Variants in SPMIP4 observed in about 807,000 individuals in gnomAD.
SPMIP4 encodes sperm microtubule inner protein 4, also known as sperm-associated microtubule inner protein 4.
the SPMIP4 span, chr7:25,158,506 T>C: frequency 6.2e-7 from 1 of 1,608,514 alleles, no homozygotes; most frequent in Non-Finnish European, 8.5e-7. Flanking sequence ...CTTACCCTAC[T>C]GTTGAATTAG....
the SPMIP4 span, among the ~76,000 whole-genome samples, chr7:25,156,967 A>C: frequency 3.3e-5 from 5 of 152,084 alleles, no homozygotes; most frequent in African/African-American, 1.2e-4. Context: ...GATTACAGGC[A>C]TGAGCCACTG....
chr7:25,141,162 C>G, the SPMIP4 span, among the ~76,000 whole-genome samples: 3 of 152,208 alleles, frequency 2.0e-5, no homozygotes, highest in Non-Finnish European at 4.4e-5. Context: ...AAAGTCTCTA[C>G]TGATATCTGC....
chr7:25,129,160 G>C, the SPMIP4 span, among the ~76,000 whole-genome samples: 8 of 152,224 alleles, frequency 5.3e-5, no homozygotes, highest in Non-Finnish European at 7.3e-5. Flanking sequence ...ACTAGGTCAT[G>C]TACATTCTAA....
chr7:25,160,332 CTT>C, the SPMIP4 span, among the ~76,000 whole-genome samples: 3 of 151,716 alleles, frequency 2.0e-5, no homozygotes, highest in East Asian at 1.9e-4. Context: ...GAGTTTTGCT[CTT>C]GTCGCCCAGA....
the SPMIP4 span, chr7:25,155,299 A>G: frequency 0.57 from 538,795 of 938,542 alleles, 156,520 homozygotes; most frequent in Middle Eastern, 0.6. Flanking sequence ...AATGGCAGAA[A>G]CTGTTCTAAT....
chr7:25,178,013 T>C, the SPMIP4 span, among the ~76,000 whole-genome samples: 44 of 152,364 alleles, frequency 2.9e-4, no homozygotes, highest in Non-Finnish European at 5.1e-4. Context: ...TTTGTCTCCA[T>C]GTGTACTCAA....
chr7:25,159,237 T>C, the SPMIP4 span, among the ~76,000 whole-genome samples: 1 of 152,204 alleles, frequency 6.6e-6, no homozygotes, highest in Non-Finnish European at 1.5e-5. Context: ...TTAAGTACCA[T>C]GTATGCTTTC....
At chr7:25,168,455 A>G in the SPMIP4 span, 6 of 1,589,998 alleles carry the variant, frequency 3.8e-6, no homozygotes, top group Middle Eastern at 1.7e-4. Flanking sequence ...GACTCCCTTA[A>G]TTCCTGATAC....
chr7:25,169,396 T>A, the SPMIP4 span, among the ~76,000 whole-genome samples: 25,065 of 152,060 alleles, frequency 0.16, 2,739 homozygotes, highest in African/African-American at 0.31. Context: ...CCCTCACTCT[T>A]TCCCTCGGCA....
At chr7:25,127,480 G>T in the SPMIP4 span, among the ~76,000 whole-genome samples, 1 of 152,110 alleles carries the variant, frequency 6.6e-6, no homozygotes, top group African/African-American at 2.4e-5. Flanking sequence ...GTAAGGGACT[G>T]CATTTTTTAG....
At chr7:25,152,918 A>T in the SPMIP4 span, among the ~76,000 whole-genome samples, 1 of 151,654 alleles carries the variant, frequency 6.6e-6, no homozygotes, top group African/African-American at 2.4e-5. Context: ...TAATTTTTGT[A>T]GTTTTACTAG....
At chr7:25,149,905 T>C in the SPMIP4 span, among the ~76,000 whole-genome samples, 2 of 152,188 alleles carry the variant, frequency 1.3e-5, no homozygotes, top group Non-Finnish European at 2.9e-5. Context: ...ACACAGTAAA[T>C]GGCAACAGAG....
At chr7:25,148,477 C>CTTTTTTTTTTTTTTTTT in the SPMIP4 span, among the ~76,000 whole-genome samples, 1 of 128,186 alleles carries the variant, frequency 7.8e-6, no homozygotes, top group African/African-American at 3.0e-5. Flanking sequence ...GAATCTGCCT[C>CTTTTTTTTTTTTTTTTT]TTTTTTTTTT....
the SPMIP4 span, among the ~76,000 whole-genome samples, chr7:25,129,105 G>A: frequency 6.6e-6 from 1 of 152,248 alleles, no homozygotes; most frequent in African/African-American, 2.4e-5. Flanking sequence ...GTGGCTTGGA[G>A]AAGGGTGATG....
the SPMIP4 span, chr7:25,158,415 T>C: frequency 1.1e-6 from 1 of 938,672 alleles, no homozygotes; most frequent in Non-Finnish European, 1.6e-6. Flanking sequence ...AAGTCTCACT[T>C]GTTTTCACAC....
the SPMIP4 span, among the ~76,000 whole-genome samples, chr7:25,154,091 T>A: frequency 6.6e-6 from 1 of 152,218 alleles, no homozygotes; most frequent in African/African-American, 2.4e-5. Context: ...AGATCCAGAA[T>A]TCTACTCATG....
At chr7:25,163,009 C>T in the SPMIP4 span, among the ~76,000 whole-genome samples, 1 of 152,198 alleles carries the variant, frequency 6.6e-6, no homozygotes, top group African/African-American at 2.4e-5. This position sits in a 1 kb window ranked among gnomAD's most constrained non-coding sequence, Gnocchi z 4.4. Flanking sequence ...GGTCCGCCCA[C>T]CTCAGCCTCC....
chr7:25,167,246 G>C, the SPMIP4 span, among the ~76,000 whole-genome samples: 1 of 152,042 alleles, frequency 6.6e-6, no homozygotes, highest in Non-Finnish European at 1.5e-5. Flanking sequence ...CAGATGAAAA[G>C]AACTTGGGTG....
chr7:25,144,960 G>GTT, the SPMIP4 span, among the ~76,000 whole-genome samples: 1,190 of 145,574 alleles, frequency 8.2e-3, 19 homozygotes, highest in African/African-American at 0.022. Context: ...AAGAAGGACT[G>GTT]TTTTTTTTTT....
Sources: gnomAD v4.1 joint callset for allele counts (sites outside exome capture counted in the v4.1 genomes callset) on GRCh38, gnomAD v4.1.1 for gene constraint, Gnocchi (gnomAD v3.1) non-coding constraint, MANE v1.5 for transcripts, NCBI Gene and HGNC (gene_info 2026-07-23, HGNC 2026-07-21) for gene names.